The following PRKCH variants were observed in gnomAD, a reference collection of about 807,000 sequenced individuals.
PRKCH encodes protein kinase C eta type.
A neutral mutation model predicts 82.5 loss-of-function variants in PRKCH; 28 were observed. The ratio of observed to expected loss-of-function variants is 0.34; its 90% CI spans 0.25 to 0.47. PRKCH has a LOEUF of 0.47. Among genes scored for constraint, PRKCH ranks in the 20% least tolerant of loss-of-function variants. The pLI is 1.00. For synonymous variants in PRKCH, 322 were observed against 327.4 expected (o/e 0.98, Z 0.18); for missense variants, 705 against 881.8 (o/e 0.80, Z 2.54).
At chr14:61,330,454 A>G (rs1206101402) in intron 1 of PRKCH, among the ~76,000 whole-genome samples, 2 of 152,232 alleles carry the variant, frequency 1.3e-5, no homozygotes, top group Non-Finnish European at 2.9e-5. Context: ...ATGACCTGCA[A>G]AAGAACTTTT....
At chr14:61,412,182 T>G (rs1324385709) in intron 2 of PRKCH, among the ~76,000 whole-genome samples, 2 of 152,116 alleles carry the variant, frequency 1.3e-5, no homozygotes, top group Non-Finnish European at 2.9e-5. Context: ...AGCAAGAAAG[T>G]ACAACCCATA....
chr14:61,319,610 G>A (rs1306121719), upstream of PRKCH, among the ~76,000 whole-genome samples: 3 of 152,144 alleles, frequency 2.0e-5, no homozygotes, highest in African/African-American at 7.2e-5. Context: ...GATTCTGTAT[G>A]GGGACTGTTT....
intron 1 of PRKCH, among the ~76,000 whole-genome samples, chr14:61,204,801 A>G (rs982701076): frequency 6.6e-6 from 1 of 151,668 alleles, no homozygotes; most frequent in Non-Finnish European, 1.5e-5. Flanking sequence ...ATAGAGGTAT[A>G]GGGCATTCTA....
At chr14:61,537,664 G>C (rs141446776) in intron 12 of PRKCH, 9 of 152,092 alleles carry the variant, frequency 5.9e-5, no homozygotes, top group Non-Finnish European at 1.3e-4. Context: ...AGGTGAAGTC[G>C]GCACCCTTGT....
chr14:61,399,688 G>T (rs186377606), intron 2 of PRKCH, among the ~76,000 whole-genome samples: 214 of 152,220 alleles, frequency 1.4e-3, no homozygotes, highest in African/African-American at 4.1e-3. Context: ...TTTCCTAAAA[G>T]AATAAAGTAA....
chr14:61,388,242 G>A (rs1458367369), intron 1 of PRKCH, among the ~76,000 whole-genome samples: 6 of 151,060 alleles, frequency 4.0e-5, no homozygotes, highest in Non-Finnish European at 5.9e-5. Flanking sequence ...CCTGCAGTTT[G>A]TAAAACCCTG....
intron 10 of PRKCH, among the ~76,000 whole-genome samples, chr14:61,524,372 C>A (rs989698742): frequency 6.6e-6 from 1 of 152,214 alleles, no homozygotes; most frequent in African/African-American, 2.4e-5. Context: ...CCCTTCTATG[C>A]TTGCATGACA....
intron 10 of PRKCH, among the ~76,000 whole-genome samples, chr14:61,521,892 A>C (rs74412811): frequency 0.039 from 5,985 of 152,248 alleles, 365 homozygotes; most frequent in African/African-American, 0.14. Flanking sequence ...TCTTGGCCTC[A>C]GGAGATCCTC....
intron 2 of PRKCH, among the ~76,000 whole-genome samples, chr14:61,393,118 T>C (rs2046711716): frequency 6.6e-6 from 1 of 152,186 alleles, no homozygotes; most frequent in African/African-American, 2.4e-5. Context: ...GATCTCTCTT[T>C]CTTTTCTCTA....
At chr14:61,403,546 A>G (rs531218042) in intron 2 of PRKCH, among the ~76,000 whole-genome samples, 14 of 152,260 alleles carry the variant, frequency 9.2e-5, no homozygotes, top group Non-Finnish European at 1.6e-4. Flanking sequence ...AAGTGACACC[A>G]AAACAACTCA....
intron 2 of PRKCH, among the ~76,000 whole-genome samples, chr14:61,431,740 AAT>A (rs757868802): frequency 6.6e-6 from 1 of 152,190 alleles, no homozygotes; most frequent in Non-Finnish European, 1.5e-5. Flanking sequence ...AATATATACA[AAT>A]ATACTGTTAT....
intron 2 of PRKCH, among the ~76,000 whole-genome samples, chr14:61,398,705 G>A (rs2046821088): frequency 6.6e-6 from 1 of 152,108 alleles, no homozygotes; most frequent in African/African-American, 2.4e-5. Flanking sequence ...GAAATATAGG[G>A]GACAGAGGAG....
chr14:61,212,342 T>A (rs2044589319), intron 1 of PRKCH, among the ~76,000 whole-genome samples: 2 of 152,212 alleles, frequency 1.3e-5, no homozygotes, highest in Non-Finnish European at 2.9e-5. Context: ...AACTATGCTA[T>A]CATTGGAAGG....
intron 1 of PRKCH, among the ~76,000 whole-genome samples, chr14:61,269,324 CA>C (rs2045131241): frequency 6.6e-6 from 1 of 151,926 alleles, no homozygotes; most frequent in Non-Finnish European, 1.5e-5. Context: ...TATAAACATC[CA>C]AACTTTATTT....
chr14:61,206,487 G>C (rs1386909996), intron 1 of PRKCH, among the ~76,000 whole-genome samples: 1 of 152,160 alleles, frequency 6.6e-6, no homozygotes, highest in African/African-American at 2.4e-5. Flanking sequence ...ACTTTCACAA[G>C]ACCCTATCTC....
chr14:61,388,274 C>T (rs2046620226), intron 1 of PRKCH, among the ~76,000 whole-genome samples: 1 of 152,164 alleles, frequency 6.6e-6, no homozygotes, highest in Non-Finnish European at 1.5e-5. Context: ...AGTGTCTTAC[C>T]ACATCTGCCC....
At chr14:61,481,377 G>T (rs1885963437) in intron 9 of PRKCH, among the ~76,000 whole-genome samples, 1 of 152,152 alleles carries the variant, frequency 6.6e-6, no homozygotes, top group African/African-American at 2.4e-5. Flanking sequence ...CAACAAGCCT[G>T]GTTACCTCAG....
At chr14:61,346,071 G>A (rs1404087131) in intron 1 of PRKCH, among the ~76,000 whole-genome samples, 1 of 152,142 alleles carries the variant, frequency 6.6e-6, no homozygotes, top group Non-Finnish European at 1.5e-5. Context: ...AGGTTTAAGA[G>A]TTGATAGGGC....
intron 1 of PRKCH, among the ~76,000 whole-genome samples, chr14:61,201,942 T>C (rs920944450): frequency 6.6e-6 from 1 of 152,226 alleles, no homozygotes; most frequent in African/African-American, 2.4e-5. Context: ...AGTGAGATTT[T>C]TACTCTTTAT....
Sources: allele counts gnomAD v4.1 joint callset (sites outside exome capture counted in the v4.1 genomes callset), GRCh38; gene constraint gnomAD v4.1.1; transcripts MANE v1.5; gene names NCBI Gene and HGNC (gene_info 2026-07-23, HGNC 2026-07-21).